FCHSD2: variants seen among roughly 807,000 people sequenced by gnomAD.
FCHSD2 encodes the protein FCH and double SH3 domains 2.
FCHSD2 carries 38 observed loss-of-function variants against 108.1 expected under a neutral mutation model. That is an observed-to-expected ratio of 0.35 (90% CI 0.27 to 0.46). The LOEUF (loss-of-function observed/expected upper bound fraction) is 0.46, where lower values mean the gene tolerates loss of function less well. Ranked by LOEUF, FCHSD2 falls within the 20% of genes least tolerant of loss-of-function variation. The pLI, the probability that FCHSD2 is intolerant of heterozygous loss-of-function variation, is 1.00. For synonymous variants in FCHSD2, 279 were observed against 314.7 expected (o/e 0.89, Z 1.20); for missense variants, 751 against 897.8 (o/e 0.84, Z 2.09).
chr11:72,898,177 T>C (rs893331839), intron 10 of FCHSD2, among the ~76,000 whole-genome samples: 10 of 152,202 alleles, frequency 6.6e-5, no homozygotes, highest in East Asian at 1.9e-4. Context: ...ACATATTCAA[T>C]TGGGTGTCTT....
At chr11:72,979,638 C>G (rs1436002394) in intron 8 of FCHSD2, among the ~76,000 whole-genome samples, 1 of 152,106 alleles carries the variant, frequency 6.6e-6, no homozygotes, top group East Asian at 1.9e-4. Context: ...ATTCTATATC[C>G]AAGTACAAGC....
rs533104700 is a variant in FCHSD2, at chr11:72,850,026, A to G, written c.1309-137T>C. The G allele has an allele frequency of 1.3e-4, 71 of 543,650 alleles. No homozygotes were observed. In the African/African-American group the frequency reaches 1.3e-3, roughly 10 times the overall value. The allele number at this position is 543,650 out of a possible 1,614,324, so 33.7% of individuals were successfully genotyped here. ...CTGCATAGAAATGACTATCTTTCGCACTTACATTTTTCATGTTATGAAAGA... is the reference window on the plus strand; with the variant it reads ...CTGCATAGAAATGACTATCTTTCGCGCTTACATTTTTCATGTTATGAAAGA... On this transcript the variant is annotated intron_variant, in intron 13 of 19. Transcript: ENST00000409418.
intron 1 of FCHSD2, chr11:73,141,360 G>C (rs1284783051): frequency 1.3e-5 from 2 of 154,950 alleles, no homozygotes; most frequent in Non-Finnish European, 1.4e-5. Flanking sequence ...ACTTCTTTTC[G>C]GCCGCCCCGT....
chr11:73,040,948 C>T (rs1006203618), intron 3 of FCHSD2, among the ~76,000 whole-genome samples: 1 of 152,142 alleles, frequency 6.6e-6, no homozygotes, highest in Non-Finnish European at 1.5e-5. Context: ...ACTTTTTTAG[C>T]TCCCACATAT....
At chr11:72,912,992 A>G (rs1855793874) in intron 9 of FCHSD2, among the ~76,000 whole-genome samples, 1 of 152,154 alleles carries the variant, frequency 6.6e-6, no homozygotes, top group African/African-American at 2.4e-5. Flanking sequence ...GACACTTACA[A>G]TCATGGCAGA....
chr11:72,932,866 C>A (rs568565328), intron 8 of FCHSD2, among the ~76,000 whole-genome samples: 53 of 152,250 alleles, frequency 3.5e-4, no homozygotes, highest in African/African-American at 1.2e-3. Flanking sequence ...AATAATAACA[C>A]CAATCAGAAT....
intron 3 of FCHSD2, among the ~76,000 whole-genome samples, chr11:73,051,014 T>C (rs1858885903): frequency 6.6e-6 from 1 of 152,280 alleles, no homozygotes; most frequent in South Asian, 2.1e-4. Context: ...TTATCTATAA[T>C]GGAAATATTT....
At chr11:72,893,874 T>C (rs1170111099) in intron 10 of FCHSD2, among the ~76,000 whole-genome samples, 1 of 152,234 alleles carries the variant, frequency 6.6e-6, no homozygotes, top group Non-Finnish European at 1.5e-5. Context: ...ATATTCTTGA[T>C]ATATTAGTCT....
chr11:73,025,082 A>G (rs1858195925), intron 3 of FCHSD2, among the ~76,000 whole-genome samples: 1 of 152,200 alleles, frequency 6.6e-6, no homozygotes, highest in African/African-American at 2.4e-5. Flanking sequence ...GACTGTCATG[A>G]TTCCTCAAAG....
At chr11:72,957,881 G>A (rs1201141535) in intron 8 of FCHSD2, among the ~76,000 whole-genome samples, 1 of 151,990 alleles carries the variant, frequency 6.6e-6, no homozygotes, top group African/African-American at 2.4e-5. Flanking sequence ...TGTTAACTGG[G>A]GCATATAGGA....
At chr11:72,945,430 T>A (rs1343666912) in intron 8 of FCHSD2, among the ~76,000 whole-genome samples, 1 of 152,188 alleles carries the variant, frequency 6.6e-6, no homozygotes, top group Non-Finnish European at 1.5e-5. Flanking sequence ...ATGTTAGATC[T>A]AAAACCATAA....
intron 8 of FCHSD2, among the ~76,000 whole-genome samples, chr11:72,923,790 A>C (rs982249782): frequency 6.6e-6 from 1 of 152,086 alleles, no homozygotes; most frequent in South Asian, 2.1e-4. Context: ...AAATACAAAA[A>C]TTAGCTGATG....
chr11:73,013,017 C>A (rs563490563), intron 4 of FCHSD2, among the ~76,000 whole-genome samples: 1 of 152,272 alleles, frequency 6.6e-6, no homozygotes, highest in South Asian at 2.1e-4. Flanking sequence ...TCACACCCCT[C>A]GAATCCACCT....
At position 72,901,133 on chromosome 11, in the gene FCHSD2, C is replaced by T. The variant is rs558444318; in HGVS notation, c.924+1410G>A. Among the ~76,000 whole-genome samples, 4 of 152,262 alleles carry T rather than the reference C, an allele frequency of 2.6e-5. No individual in the cohort carries two copies. The East Asian group carries it at 5.8e-4, about 22-fold the overall frequency. ...GGGGCCGGACATCGTGGCTCACGTCCGTAATGCCAGCACTTTGGGAGACTA... is the reference window on the plus strand; with the variant it reads ...GGGGCCGGACATCGTGGCTCACGTCTGTAATGCCAGCACTTTGGGAGACTA... On this transcript the variant is annotated intron_variant, in intron 10 of 19. Transcript: ENST00000409418.
chr11:72,845,239 G>A (rs1299539212), intron 14 of FCHSD2, among the ~76,000 whole-genome samples: 2 of 151,976 alleles, frequency 1.3e-5, no homozygotes, highest in East Asian at 3.9e-4. Context: ...TGGGCAACAT[G>A]GCGAAACCCT....
At chr11:72,928,351 T>C (rs72979412) in intron 8 of FCHSD2, among the ~76,000 whole-genome samples, 34,183 of 152,082 alleles carry the variant, frequency 0.22, 4,624 homozygotes, top group Middle Eastern at 0.37. Context: ...AACATAACTC[T>C]CTCTCATTAG....
chr11:73,112,544 G>C (rs1860510209), intron 2 of FCHSD2, among the ~76,000 whole-genome samples: 1 of 152,110 alleles, frequency 6.6e-6, no homozygotes, highest in African/African-American at 2.4e-5. Flanking sequence ...CTAGGTTTGG[G>C]AAGTTCTCTG....
chr11:73,019,467 GA>G (rs1279812150), intron 3 of FCHSD2, among the ~76,000 whole-genome samples: 1 of 152,074 alleles, frequency 6.6e-6, no homozygotes, highest in East Asian at 1.9e-4. Context: ...TTTAAATTAT[GA>G]AATTAATTTG....
chr11:73,099,787 G>A (rs2135531571), intron 2 of FCHSD2, among the ~76,000 whole-genome samples: 1 of 152,292 alleles, frequency 6.6e-6, no homozygotes, highest in Non-Finnish European at 1.5e-5. Context: ...GCTCCAGCGG[G>A]GCTGTGGCTA....
Sources: allele counts gnomAD v4.1 joint callset (sites outside exome capture counted in the v4.1 genomes callset), GRCh38; gene constraint gnomAD v4.1.1; transcripts MANE v1.5; gene names NCBI Gene and HGNC (gene_info 2026-07-23, HGNC 2026-07-21).